Variants in ARSG observed in about 807,000 individuals in gnomAD.
ARSG encodes the protein ASG.
In ARSG, 37 loss-of-function variants were observed where a neutral mutation model predicts 50.5. The observed-to-expected ratio is 0.73, with a 90% CI of 0.56 to 0.96. The LOEUF (loss-of-function observed/expected upper bound fraction) is 0.96, where lower values mean the gene tolerates loss of function less well. Ranked by LOEUF, ARSG falls within the 50% of genes least tolerant of loss-of-function variation. ARSG has a pLI of 0.00. For missense variants in ARSG, 629 were observed against 675.3 expected (o/e 0.93, Z 0.76); for synonymous variants, 225 against 254.6 (o/e 0.88, Z 1.11).
chr17:68,293,829 A>G (rs782487512), intron 1 of ARSG, among the ~76,000 whole-genome samples: 2 of 152,120 alleles, frequency 1.3e-5, no homozygotes, highest in Non-Finnish European at 2.9e-5. Context: ...GTAGCTGGAA[A>G]CCCAACCTAC....
intron 2 of ARSG, among the ~76,000 whole-genome samples, chr17:68,331,843 G>A (rs994163046): frequency 1.3e-5 from 2 of 152,316 alleles, no homozygotes; most frequent in Admixed American, 6.5e-5. Context: ...CACAAAACCA[G>A]CAAGCTTGGG....
chr17:68,409,598 G>A (rs995039629), intron 11 of ARSG, among the ~76,000 whole-genome samples: 7 of 151,672 alleles, frequency 4.6e-5, no homozygotes, highest in African/African-American at 1.2e-4. Flanking sequence ...TTGACTTGGC[G>A]ATGCGGGCTC....
chr17:68,274,494 A>C (rs1241578951), intron 1 of ARSG: 1 of 153,776 alleles, frequency 6.5e-6, no homozygotes, highest in Non-Finnish European at 1.4e-5. Context: ...ACCATAACAC[A>C]TTTCATGCAA....
intron 1 of ARSG, among the ~76,000 whole-genome samples, chr17:68,297,272 G>A (rs782642795): frequency 2.0e-5 from 3 of 152,178 alleles, no homozygotes; most frequent in Non-Finnish European, 2.9e-5. Context: ...TAAATTGTCC[G>A]AAACCAGATT....
intron 1 of ARSG, among the ~76,000 whole-genome samples, chr17:68,266,262 A>G (rs2075156769): frequency 6.6e-6 from 1 of 151,438 alleles, no homozygotes; most frequent in Non-Finnish European, 1.5e-5. Context: ...TCTGTTATTC[A>G]TTACTTAATA....
At chr17:68,428,911 C>T in the ARSG span, 1 of 1,613,976 alleles carries the variant, frequency 6.2e-7, no homozygotes, top group African/African-American at 1.3e-5. Flanking sequence ...GATGACGCAA[C>T]TAGCAGCCGT....
At chr17:68,391,346 G>A (rs1039946804) in intron 9 of ARSG, among the ~76,000 whole-genome samples, 3 of 152,160 alleles carry the variant, frequency 2.0e-5, no homozygotes, top group East Asian at 1.9e-4. Context: ...GGGCTGCCTC[G>A]AGTGGCCTGA....
At chr17:68,394,639 A>T (rs998025789) in intron 9 of ARSG, among the ~76,000 whole-genome samples, 1 of 152,120 alleles carries the variant, frequency 6.6e-6, no homozygotes, top group Non-Finnish European at 1.5e-5. Flanking sequence ...TCTCTAAAAA[A>T]ATTAAGAATA....
At chr17:68,425,467 A>G (rs1264932286), downstream of ARSG, among the ~76,000 whole-genome samples, 1 of 145,728 alleles carries the variant, frequency 6.9e-6, no homozygotes, top group African/African-American at 2.6e-5. Context: ...GCAATCCTCC[A>G]GCCTCGGCCT....
chr17:68,368,125 G>A (rs1483405743), intron 6 of ARSG, among the ~76,000 whole-genome samples: 1 of 152,150 alleles, frequency 6.6e-6, no homozygotes, highest in South Asian at 2.1e-4. Context: ...TAGTCTGGAT[G>A]CTGCAAAATA....
intron 5 of ARSG, among the ~76,000 whole-genome samples, chr17:68,354,359 G>C (rs2078938386): frequency 6.6e-6 from 1 of 150,708 alleles, no homozygotes; most frequent in Admixed American, 6.6e-5. Flanking sequence ...GTTGCAGTGA[G>C]CTGAGATTAT....
chr17:68,451,202 A>G, the ARSG span, among the ~76,000 whole-genome samples: 1,724 of 152,344 alleles, frequency 0.011, 30 homozygotes, highest in African/African-American at 0.039. Context: ...AGGCTGAGGC[A>G]GGAGAATCAC....
chr17:68,428,239 T>A, the ARSG span: 7 of 151,806 alleles, frequency 4.6e-5, 1 homozygote, highest in Admixed American at 1.3e-4. Flanking sequence ...TTTTTTTTTT[T>A]TTTTATTTTG....
chr17:68,423,265 G>A (rs994376491), downstream of ARSG, among the ~76,000 whole-genome samples: 6 of 152,132 alleles, frequency 3.9e-5, no homozygotes, highest in African/African-American at 9.7e-5. This position sits in a 1 kb window ranked among gnomAD's most constrained non-coding sequence, Gnocchi z 4.4. Flanking sequence ...AGCATCCCTC[G>A]CTGAACATTT....
At chr17:68,317,548 GC>G (rs1380311526) in intron 2 of ARSG, among the ~76,000 whole-genome samples, 1 of 151,886 alleles carries the variant, frequency 6.6e-6, no homozygotes, top group Non-Finnish European at 1.5e-5. Flanking sequence ...GTCGTTTAGG[GC>G]CCCCAGTGTT....
At chr17:68,372,877 ATTTTTTTTTTTTT>A (rs55668215) in intron 8 of ARSG, among the ~76,000 whole-genome samples, 22 of 93,212 alleles carry the variant, frequency 2.4e-4, no homozygotes, top group South Asian at 1.2e-3. Flanking sequence ...GGAAATGCTG[ATTTTTTTTTTTTT>A]TTTTTTTTTT....
At position 68,367,916 on chromosome 17, in the gene ARSG, C is replaced by G. The variant is rs920692097; in HGVS notation, c.705-632C>G. 6.6e-6 allele frequency among the ~76,000 whole-genome samples: 1 copy of G among 152,080 alleles called. No homozygotes were observed. Among genetic ancestry groups the G allele is most frequent in the African/African-American group, 2.4e-5 (1 of 41,434 alleles). On this transcript the variant is annotated intron_variant, in intron 6 of 11. Transcript: ENST00000621439. This position sits in a 1 kb window ranked among gnomAD's most constrained non-coding sequence, Gnocchi z 4.5. The stretch of plus-strand genomic sequence containing the variant: ...CAAAACCCCATCTCTACTAAAAATA[C>G]AAAATTAGACGGGCATGGGGGTGGG...
chr17:68,284,509 C>T (rs565143881), intron 1 of ARSG, among the ~76,000 whole-genome samples: 1 of 152,234 alleles, frequency 6.6e-6, no homozygotes, highest in Admixed American at 6.5e-5. Context: ...TATCCTTTTC[C>T]TAGCCATAAG....
intron 6 of ARSG, among the ~76,000 whole-genome samples, chr17:68,358,338 AG>A (rs1388074770): frequency 6.6e-6 from 1 of 152,118 alleles, no homozygotes; most frequent in Non-Finnish European, 1.5e-5. Flanking sequence ...GGATCGCTCG[AG>A]GCCAGGAATT....
Sources: gnomAD v4.1 joint callset for allele counts (sites outside exome capture counted in the v4.1 genomes callset) on GRCh38, gnomAD v4.1.1 for gene constraint, Gnocchi (gnomAD v3.1) non-coding constraint, MANE v1.5 for transcripts, NCBI Gene and HGNC (gene_info 2026-07-23, HGNC 2026-07-21) for gene names.